CCDC107: variants seen among roughly 807,000 people sequenced by gnomAD.
CCDC107 encodes the protein coiled-coil domain containing 107.
A neutral mutation model predicts 17.9 loss-of-function variants in CCDC107; 17 were observed. That is an observed-to-expected ratio of 0.95 (90% CI 0.65 to 1.42). The LOEUF is 1.42. Ranked by LOEUF, CCDC107 falls within the 40% of genes most tolerant of loss-of-function variation. CCDC107 has a pLI of 0.00. For synonymous variants in CCDC107, 170 were observed against 157.2 expected, an observed-to-expected ratio of 1.08 and a Z score of -0.61; for missense variants, 388 against 360.1, an observed-to-expected ratio of 1.08 and a Z score of -0.63.
chr9:35,658,751 G>A, intron 2 of CCDC107, 24 bp downstream of exon 2: 1 of 1,443,214 alleles, frequency 6.9e-7, no homozygotes, highest in Non-Finnish European at 9.2e-7. Flanking sequence ...GGGGGTAGGG[G>A]TGCCCCTGCA....
In CCDC107 at chr9:35,658,714, A is replaced by T; in HGVS notation, c.245A>T (p.Tyr82Phe). ...YTAAVAAFVL[Y>F]KCLQGKDETA... ...GCGGCCGTCGCGGCTTTTGTGCTGT[A>T]CAAGTGTTTGCAGGTACGGGGCGGC... is the stretch of plus-strand genomic sequence containing the variant. The change falls in exon 2 of 5, where the codon TAC (tyrosine) becomes TTC (phenylalanine). Residue 82 changes from tyrosine (Y) to phenylalanine (F), a missense_variant. Transcript: ENST00000426546. The T allele has an allele frequency of 6.5e-7, 1 of 1,533,844 alleles. No homozygotes were observed.
rs1372702725 is a variant in CCDC107, at chr9:35,661,113, G to A, written c.778G>A (p.Gly260Ser). ...RRRCSQAVAKGPSHSLGWEGG... is the reference protein window; with the variant it reads ...RRRCSQAVAKSPSHSLGWEGG... ...AAGGTGCAGCCAGGCTGTGGCAAAG[G>A]GCCCCAGTCACAGCCTTGGCTGGGA... Residue 260 changes from glycine to serine, a missense_variant, in exon 5 of 5, where the codon GGC becomes AGC. Transcript: ENST00000426546. 2.5e-6 allele frequency: 4 copies of A among 1,614,008 alleles called. No homozygotes were observed. Among genetic ancestry groups the A allele is most frequent in the South Asian group, 1.1e-5 (1 of 91,054 alleles).
At position 35,658,445 on chromosome 9, in the gene CCDC107, C is replaced by T. The variant is rs953946210; in HGVS notation, c.66C>T (p.Val22=). Residue 22 remains valine (V), a synonymous_variant, in exon 1 of 5, where the codon GTC becomes GTT. Coordinates refer to ENST00000426546, the MANE Select transcript of CCDC107 (RefSeq NM_174923.3). ...GLLLVSALSG[V]LGDRANPDLR... is the part of the protein sequence containing the mutation. ...TGCTTGTGTCTGCGCTGTCCGGGGT[C>T]CTAGGAGACCGCGCCAATCCCGACC... 2 of 1,476,114 alleles carry T rather than the reference C, an allele frequency of 1.4e-6. No homozygotes were observed. The highest frequency in any genetic ancestry group is 1.3e-5 in the South Asian group (1 of 76,500). 91.4% of individuals were successfully genotyped at this position (1,476,114 alleles called of 1,614,324 possible). A position where few individuals can be genotyped will look rare whatever the true frequency, so the allele number is the denominator to read the frequency against.
Position 35,660,643 on chromosome 9 carries a change from G to C in CCDC107, c.406G>C (p.Glu136Gln). The C allele has an allele frequency of 6.2e-7, 1 of 1,614,158 alleles. No individual in the cohort carries two copies. The highest frequency in any genetic ancestry group is 8.5e-7 in the Non-Finnish European group (1 of 1,180,018). The change falls in exon 4 of 5, where the codon GAG becomes CAG. Residue 136 changes from glutamate (E) to glutamine (Q), a missense_variant. Transcript: ENST00000426546. ...GATGGCCCAGCTGGACCCCCTTTTT[G>C]AGCGGTGAGGAGAGCAATGATTCTG... ...NLMAQLDPLF[E>Q]RVTTLAGAQQ...
rs759097940 is a variant in CCDC107, at chr9:35,660,396, A to G, written c.259-5A>G. On this transcript the variant is annotated splice_polypyrimidine_tract_variant and splice_region_variant and intron_variant, in intron 2 of 4. Transcript: ENST00000426546. ...CAGTACTGCCCTTTCCTTCTTCCACAACAGGGGAAAGATGAAACTGCGGTT... is the reference window on the plus strand; with the variant it reads ...CAGTACTGCCCTTTCCTTCTTCCACGACAGGGGAAAGATGAAACTGCGGTT... 1.3e-6 allele frequency: 2 copies of G among 1,593,506 alleles called. No homozygotes were observed. The highest frequency in any genetic ancestry group is 3.5e-5 in the Admixed American group (2 of 57,726).
At chr9:35,660,676 T>C (rs1263623023) in intron 4 of CCDC107, 29 bp downstream of exon 4, 1 of 1,614,042 alleles carries the variant, frequency 6.2e-7, no homozygotes, top group Admixed American at 1.7e-5. Context: ...CTGTGAATTT[T>C]TGGGGAATTT....
Position 35,658,576 on chromosome 9 carries a change from G to A in CCDC107, c.107G>A (p.Gly36Glu), listed in dbSNP as rs1436977612. The A allele has an allele frequency of 1.3e-6, 2 of 1,580,176 alleles. No individual in the cohort carries two copies. The highest frequency in any genetic ancestry group is 1.1e-5 in the South Asian group (1 of 89,614). Residue 36 changes from glycine (G) to glutamate (E), a missense_variant and splice_region_variant, in exon 2 of 5, where the codon GGG becomes GAG. Coordinates refer to ENST00000426546, the MANE Select transcript of CCDC107 (RefSeq NM_174923.3). ...RANPDLRAHP[G>E]NAAHPGSGAT... ...ACTCGCCTGTATCCTCCCTCCGCAG[G>A]GAACGCAGCCCACCCCGGCTCTGGA...
rs1163781590 is a variant in CCDC107 at position 35,660,873 on chromosome 9, G to T, written c.538G>T (p.Gly180Cys). 1 of 1,614,182 alleles carries T rather than the reference G, an allele frequency of 6.2e-7. No individual in the cohort carries two copies. The highest frequency in any genetic ancestry group is 1.7e-5 in the Admixed American group (1 of 60,026). Residue 180 changes from glycine (G) to cysteine (C), a missense_variant, in exon 5 of 5, where the codon GGC (glycine) becomes TGC (cysteine). Gly to Cys is a radical substitution (Grantham distance 159). Transcript: ENST00000426546. ...TTCAGAACCAGGTGAAGGCTCGGGAGGCGAGTCTGCTGGAGGTGGAGACAA... is the reference window on the plus strand; with the variant it reads ...TTCAGAACCAGGTGAAGGCTCGGGATGCGAGTCTGCTGGAGGTGGAGACAA... ...EASEPGEGSG[G>C]ESAGGGDKVS...
chr9:35,660,634 C>G lies in CCDC107; in HGVS notation c.397C>G (p.Pro133Ala). 3.1e-6 allele frequency: 5 copies of G among 1,614,140 alleles called. No homozygotes were observed. Among genetic ancestry groups the G allele is most frequent in the Non-Finnish European group, 4.2e-6 (5 of 1,180,032 alleles). Residue 133 changes from proline (P) to alanine (A), a missense_variant, in exon 4 of 5, where the codon CCC becomes GCC. Pro to Ala is a conservative substitution (Grantham distance 27). Coordinates refer to ENST00000426546, the MANE Select transcript of CCDC107 (RefSeq NM_174923.3). Reference sequence around the variant, plus strand: ...GAACAACCTGATGGCCCAGCTGGACCCCCTTTTTGAGCGGTGAGGAGAGCA... The same window carrying G: ...GAACAACCTGATGGCCCAGCTGGACGCCCTTTTTGAGCGGTGAGGAGAGCA... Reference protein sequence around the residue: ...HLNNLMAQLDPLFERVTTLAG... With the variant: ...HLNNLMAQLDALFERVTTLAG...
At position 35,658,626 on chromosome 9, in the gene CCDC107, C is replaced by G; in HGVS notation, c.157C>G (p.Pro53Ala). Reference protein sequence around the residue: ...SGATEPRRRPPLKDQRERTRA... With the variant: ...SGATEPRRRPALKDQRERTRA... ...AGCCACGGAACCCCGGCGGCGACCA[C>G]CGCTCAAGGATCAACGCGAGCGGAC... Residue 53 changes from proline (P) to alanine (A), a missense_variant, in exon 2 of 5, where the codon CCG becomes GCG. Physicochemically the swap from Pro to Ala is conservative, Grantham distance 27 (BLOSUM62 -1). Coordinates refer to ENST00000426546, the MANE Select transcript of CCDC107 (RefSeq NM_174923.3). The G allele has an allele frequency of 6.4e-7, 1 of 1,572,404 alleles. No individual in the cohort carries two copies. Among genetic ancestry groups the G allele is most frequent in the Non-Finnish European group, 8.6e-7 (1 of 1,162,762 alleles).
Position 35,660,806 on chromosome 9 carries a change from C to G in CCDC107, c.471C>G (p.His157Gln), listed in dbSNP as rs769419069. 6.2e-7 allele frequency: 1 copy of G among 1,614,028 alleles called. No individual in the cohort carries two copies. The highest frequency in any genetic ancestry group is 1.3e-5 in the African/African-American group (1 of 74,922). The change falls in exon 5 of 5, where the codon CAC (histidine) becomes CAG (glutamine). Residue 157 changes from histidine to glutamine, a missense_variant. Coordinates refer to ENST00000426546, the MANE Select transcript of CCDC107 (RefSeq NM_174923.3). ...TGAACATGAAGCTATGGACCATCCA[C>G]GAGCTGCTGCAAGATAGCAAGCCGG... ...ELLNMKLWTI[H>Q]ELLQDSKPDK... is the part of the protein sequence containing the mutation.
In CCDC107 at chr9:35,658,617, C is replaced by A. The variant is rs567100944; in HGVS notation, c.148C>A (p.Arg50=). Residue 50 remains arginine, a synonymous_variant, in exon 2 of 5, where the codon CGG becomes AGG. Coordinates refer to ENST00000426546, the MANE Select transcript of CCDC107 (RefSeq NM_174923.3). ...HPGSGATEPR[R]RPPLKDQRER... ...CGGCTCTGGAGCCACGGAACCCCGG[C>A]GGCGACCACCGCTCAAGGATCAACG... The A allele has an allele frequency of 2.3e-4, 356 of 1,569,510 alleles. 2 individuals are homozygous for A. The highest frequency in any genetic ancestry group is 1.6e-3 in the South Asian group (148 of 89,776).
At position 35,658,642 on chromosome 9, in the gene CCDC107, G is replaced by C. The variant is rs1191691731; in HGVS notation, c.173G>C (p.Arg58Pro). 5.1e-6 allele frequency: 8 copies of C among 1,571,216 alleles called. No individual in the cohort carries two copies. Among genetic ancestry groups the C allele is most frequent in the African/African-American group, 1.4e-5 (1 of 72,624 alleles). Residue 58 changes from arginine (R) to proline (P), a missense_variant, in exon 2 of 5, where the codon CGC becomes CCC. Coordinates refer to ENST00000426546, the MANE Select transcript of CCDC107 (RefSeq NM_174923.3). Reference sequence around the variant, plus strand: ...CGGCGACCACCGCTCAAGGATCAACGCGAGCGGACCCGGGCCGGGTCGCTG... The same window carrying C: ...CGGCGACCACCGCTCAAGGATCAACCCGAGCGGACCCGGGCCGGGTCGCTG... ...PRRRPPLKDQ[R>P]ERTRAGSLPL...
In CCDC107 at chr9:35,661,408, C is replaced by T. The variant is rs41303685; in HGVS notation, c.*221C>T. ...TTCAGGGCCCAAAAATCCCTTTTCT[C>T]ATAGCAAAACTGAGACAGAAGGGTC... On this transcript the variant is annotated 3_prime_UTR_variant, in exon 5 of 5. Transcript: ENST00000426546. 0.038 allele frequency: 17,238 copies of T among 450,842 alleles called. 800 individuals are homozygous for T. The highest frequency in any genetic ancestry group is 0.16 in the African/African-American group (7,968 of 49,452). The allele number at this position is 450,842 out of a possible 1,614,324, so 27.9% of individuals were successfully genotyped here.
Position 35,661,161 on chromosome 9 carries a change from C to A in CCDC107, c.826C>A (p.Arg276=). Residue 276 remains arginine, a synonymous_variant, in exon 5 of 5, where the codon CGA becomes AGA. Coordinates refer to ENST00000426546, the MANE Select transcript of CCDC107 (RefSeq NM_174923.3). ...GGAAGGAGGGACGACAGCTGAAGGTCGACTAAAACAAAGTCTGTTTTCATG... is the reference window on the plus strand; with the variant it reads ...GGAAGGAGGGACGACAGCTGAAGGTAGACTAAAACAAAGTCTGTTTTCATG... The part of the protein sequence containing the change: ...GWEGGTTAEG[R]LKQSLFS The A allele has an allele frequency of 6.2e-7, 1 of 1,604,034 alleles. No individual in the cohort carries two copies. Among genetic ancestry groups the A allele is most frequent in the South Asian group, 1.1e-5 (1 of 90,222 alleles).
Position 35,658,473 on chromosome 9 carries a change from C to T in CCDC107, c.94C>T (p.Arg32Trp), listed in dbSNP as rs1823691055. Residue 32 changes from arginine to tryptophan, a missense_variant, in exon 1 of 5, where the codon CGG becomes TGG. Arg to Trp is a moderately radical substitution (Grantham distance 101). Transcript: ENST00000426546. Reference sequence around the variant, plus strand: ...AGGAGACCGCGCCAATCCCGACCTCCGGGCACACCCAGGTACCAGCTAGGG... The same window carrying T: ...AGGAGACCGCGCCAATCCCGACCTCTGGGCACACCCAGGTACCAGCTAGGG... ...VLGDRANPDL[R>W]AHPGNAAHPG... is the part of the protein sequence containing the mutation. 2 of 1,472,306 alleles carry T rather than the reference C, an allele frequency of 1.4e-6. No individual in the cohort carries two copies. Among genetic ancestry groups the T allele is most frequent in the African/African-American group, 1.5e-5 (1 of 68,636 alleles). 91.2% of individuals were successfully genotyped at this position (1,472,306 alleles called of 1,614,324 possible).
intron 2 of CCDC107, 56 bp from the exon 3 acceptor site, chr9:35,660,345 G>C: frequency 6.8e-7 from 1 of 1,461,482 alleles, no homozygotes; most frequent in African/African-American, 1.4e-5. Flanking sequence ...TGGAGACTGA[G>C]GTGATGGAGC....
At position 35,658,627 on chromosome 9, in the gene CCDC107, C is replaced by T. The variant is rs764657365; in HGVS notation, c.158C>T (p.Pro53Leu). ...GCCACGGAACCCCGGCGGCGACCAC[C>T]GCTCAAGGATCAACGCGAGCGGACC... is the stretch of plus-strand genomic sequence containing the variant. The part of the protein sequence containing the change: ...SGATEPRRRP[P>L]LKDQRERTRA... Residue 53 changes from proline to leucine, a missense_variant, in exon 2 of 5, where the codon CCG (proline) becomes CTG (leucine). Transcript: ENST00000426546. 1 of 1,570,652 alleles carries T rather than the reference C, an allele frequency of 6.4e-7. No individual in the cohort carries two copies. The highest frequency in any genetic ancestry group is 8.6e-7 in the Non-Finnish European group (1 of 1,161,300).
chr9:35,658,658 C>A lies in CCDC107; in HGVS notation c.189C>A (p.Ala63=). 6.4e-7 allele frequency: 1 copy of A among 1,573,998 alleles called. No individual in the cohort carries two copies. The highest frequency in any genetic ancestry group is 1.1e-5 in the South Asian group (1 of 89,408). The part of the protein sequence containing the change: ...PLKDQRERTR[A]GSLPLGALYT... Reference sequence around the variant, plus strand: ...AGGATCAACGCGAGCGGACCCGGGCCGGGTCGCTGCCTCTGGGGGCGCTGT... The same window carrying A: ...AGGATCAACGCGAGCGGACCCGGGCAGGGTCGCTGCCTCTGGGGGCGCTGT... The change falls in exon 2 of 5, where the codon GCC becomes GCA. Residue 63 remains alanine (A), a synonymous_variant. Coordinates refer to ENST00000426546, the MANE Select transcript of CCDC107 (RefSeq NM_174923.3).
Sources: allele counts gnomAD v4.1 joint callset, GRCh38; gene constraint gnomAD v4.1.1; transcripts MANE v1.5; gene names NCBI Gene and HGNC (gene_info 2026-07-23, HGNC 2026-07-21).